TASP1: variants seen among roughly 807,000 people sequenced by gnomAD.
The protein encoded by TASP1 is threonine aspartase 1.
Under a neutral mutation model 56.6 loss-of-function variants are expected in TASP1, and 16 were observed. The ratio of observed to expected loss-of-function variants is 0.28; its 90% confidence interval spans 0.19 to 0.43. The LOEUF is 0.43. Ranked by LOEUF, TASP1 falls within the 20% of genes least tolerant of loss-of-function variation. TASP1 has a pLI of 1.00. For missense variants in TASP1, 393 were observed against 511.6 expected (o/e 0.77, Z 2.24); for synonymous variants, 179 against 184.2 (o/e 0.97, Z 0.23).
chr20:13,408,311 C>T (rs1162512437), intron 13 of TASP1, among the ~76,000 whole-genome samples: 2 of 152,126 alleles, frequency 1.3e-5, no homozygotes, highest in Admixed American at 1.3e-4. Flanking sequence ...TTGGCAATGA[C>T]TGACTTTTGA....
intron 6 of TASP1, among the ~76,000 whole-genome samples, chr20:13,580,299 T>A (rs2047074297): frequency 6.6e-6 from 1 of 151,938 alleles, no homozygotes; most frequent in South Asian, 2.1e-4. Flanking sequence ...ATAAAAATAA[T>A]GTCCAGGAAC....
At chr20:13,227,497 C>G in the TASP1 span, among the ~76,000 whole-genome samples, 4 of 147,272 alleles carry the variant, frequency 2.7e-5, no homozygotes, top group African/African-American at 1.0e-4. Context: ...GCCACCATGC[C>G]CAGCCCAACT....
the TASP1 span, among the ~76,000 whole-genome samples, chr20:13,163,699 A>G: frequency 0.25 from 37,938 of 151,938 alleles, 5,043 homozygotes; most frequent in South Asian, 0.44. Context: ...AGTTTGAAAG[A>G]TTTCCCAAAG....
the TASP1 span, among the ~76,000 whole-genome samples, chr20:13,284,343 T>C: frequency 6.6e-6 from 1 of 152,182 alleles, no homozygotes; most frequent in African/African-American, 2.4e-5. Flanking sequence ...GAAACCCAGC[T>C]CTCAGCCCAC....
intron 12 of TASP1, among the ~76,000 whole-genome samples, chr20:13,422,662 T>C (rs191713524): frequency 2.6e-5 from 4 of 152,304 alleles, no homozygotes; most frequent in Non-Finnish European, 5.9e-5. Context: ...AGCACTTCAG[T>C]ACTATGCTTG....
the TASP1 span, among the ~76,000 whole-genome samples, chr20:13,326,461 G>A: frequency 6.6e-6 from 1 of 152,076 alleles, no homozygotes; most frequent in African/African-American, 2.4e-5. Flanking sequence ...TCCATCTCCA[G>A]CATCAATATG....
chr20:13,447,373 T>C (rs2043449589), intron 11 of TASP1, among the ~76,000 whole-genome samples: 1 of 152,154 alleles, frequency 6.6e-6, no homozygotes, highest in Admixed American at 6.6e-5. Context: ...CACAACTGTT[T>C]GCCTACATAT....
chr20:13,426,454 T>A (rs2042620350), intron 12 of TASP1, among the ~76,000 whole-genome samples: 2 of 152,174 alleles, frequency 1.3e-5, no homozygotes, highest in Non-Finnish European at 2.9e-5. Context: ...CTTGGCAAGA[T>A]AATCACTAGA....
the TASP1 span, among the ~76,000 whole-genome samples, chr20:13,319,699 G>A: frequency 2.6e-5 from 4 of 152,196 alleles, no homozygotes; most frequent in Non-Finnish European, 4.4e-5. Flanking sequence ...TTTGGCTACA[G>A]GAAAATGTTT....
At chr20:13,324,279 G>C in the TASP1 span, among the ~76,000 whole-genome samples, 1 of 152,188 alleles carries the variant, frequency 6.6e-6, no homozygotes, top group Admixed American at 6.5e-5. Context: ...ATGACAGCAA[G>C]GAATCAATTA....
At chr20:13,510,292 A>G (rs1307727588) in intron 10 of TASP1, among the ~76,000 whole-genome samples, 1 of 152,204 alleles carries the variant, frequency 6.6e-6, no homozygotes, top group Non-Finnish European at 1.5e-5. Flanking sequence ...AATTTTGCAA[A>G]TGATACTTGA....
intron 10 of TASP1, among the ~76,000 whole-genome samples, chr20:13,509,878 G>C (rs533347796): frequency 6.6e-6 from 1 of 152,146 alleles, no homozygotes; most frequent in Non-Finnish European, 1.5e-5. Context: ...CACCCACCTT[G>C]GCCTCCCAAA....
At chr20:13,475,925 T>C (rs953582354) in intron 11 of TASP1, among the ~76,000 whole-genome samples, 1 of 140,256 alleles carries the variant, frequency 7.1e-6, no homozygotes, top group African/African-American at 2.7e-5. Flanking sequence ...AAAAACTATA[T>C]TGACTAACAC....
At chr20:13,532,096 A>G (rs962131258) in intron 9 of TASP1, among the ~76,000 whole-genome samples, 1 of 151,806 alleles carries the variant, frequency 6.6e-6, no homozygotes, top group African/African-American at 2.4e-5. Flanking sequence ...CTACTTCTCT[A>G]TGGGGTTTTA....
Position 13,630,148 on chromosome 20 carries a change from T to C in TASP1, c.-70A>G. The C allele has an allele frequency of 6.5e-7, 1 of 1,536,142 alleles. No homozygotes were observed. Among genetic ancestry groups the C allele is most frequent in the Non-Finnish European group, 8.8e-7 (1 of 1,141,802 alleles). ...TCCAAAAGTAATTGCAGGAGAGGAA[T>C]TACCCTAAAGGAAAACAGGCAAAGA... On this transcript the variant is annotated 5_prime_UTR_variant, in exon 2 of 14. Transcript: ENST00000337743.
At chr20:13,508,725 T>C (rs1381762705) in intron 10 of TASP1, among the ~76,000 whole-genome samples, 3 of 152,062 alleles carry the variant, frequency 2.0e-5, no homozygotes, top group Non-Finnish European at 2.9e-5. Context: ...AGCCAATAGG[T>C]AGTTATATGA....
the TASP1 span, among the ~76,000 whole-genome samples, chr20:13,350,534 T>TAG: frequency 6.6e-6 from 1 of 152,164 alleles, no homozygotes; most frequent in Non-Finnish European, 1.5e-5. Context: ...ATTTAAAACT[T>TAG]ACGCTCTATG....
downstream of TASP1, chr20:13,389,269 C>G (rs2041193726): frequency 6.6e-6 from 1 of 152,196 alleles, no homozygotes; most frequent in Non-Finnish European, 1.5e-5. Context: ...CAACTTGCAT[C>G]TTGCCAGTGT....
At chr20:13,263,424 G>A in the TASP1 span, among the ~76,000 whole-genome samples, 4 of 151,450 alleles carry the variant, frequency 2.6e-5, no homozygotes, top group African/African-American at 4.9e-5. Context: ...CTAGAAAGCC[G>A]ATTTTATGGT....
Sources: gnomAD v4.1 joint callset for allele counts (sites outside exome capture counted in the v4.1 genomes callset) on GRCh38, gnomAD v4.1.1 for gene constraint, MANE v1.5 for transcripts, NCBI Gene and HGNC (gene_info 2026-07-23, HGNC 2026-07-21) for gene names.